Variants in FBXO32 observed in about 807,000 individuals in gnomAD.
The protein encoded by FBXO32 is F-box protein 32, also known as F-box only protein 32.
Under a neutral mutation model 48.3 loss-of-function variants are expected in FBXO32, and 15 were observed. That is an observed-to-expected ratio of 0.31 (90% CI 0.21 to 0.48). The LOEUF (loss-of-function observed/expected upper bound fraction) is 0.48, where lower values mean the gene tolerates loss of function less well. FBXO32 is among the 20% of genes least tolerant of loss of function. The pLI is 0.99. For missense variants in FBXO32, 309 were observed against 432.7 expected (o/e 0.71, Z 2.54); for synonymous variants, 154 against 165.9 (o/e 0.93, Z 0.55).
At chr8:123,520,904 G>C (rs1182420837) in intron 4 of FBXO32, among the ~76,000 whole-genome samples, 1 of 152,150 alleles carries the variant, frequency 6.6e-6, no homozygotes, top group African/African-American at 2.4e-5. Flanking sequence ...CGGCTACACA[G>C]GTTATTCGTC....
rs1816525398 is a variant in FBXO32 at position 123,502,853 on chromosome 8, CATGCAGGTT to C, written c.*511_*519del. 1 of 152,972 alleles carries C rather than the reference CATGCAGGTT, an allele frequency of 6.5e-6. No individual in the cohort carries two copies. Among genetic ancestry groups the C allele is most frequent in the Non-Finnish European group, 1.5e-5 (1 of 68,638 alleles). The allele number at this position is 152,972 out of a possible 1,614,324, so 9.5% of individuals were successfully genotyped here. Reference sequence around the variant, plus strand: ...TCTCTGTAGGGTAAGGCTCTGTGCCCATGCAGGTTTAGGATGGGTGGCGCTTCCTTCGCC... The same window carrying C: ...TCTCTGTAGGGTAAGGCTCTGTGCCCTAGGATGGGTGGCGCTTCCTTCGCC... On this transcript the variant is annotated 3_prime_UTR_variant, in exon 9 of 9. Transcript: ENST00000517956.
intron 6 of FBXO32, among the ~76,000 whole-genome samples, chr8:123,510,830 A>G (rs946290164): frequency 1.3e-5 from 2 of 152,230 alleles, no homozygotes; most frequent in Non-Finnish European, 2.9e-5. Flanking sequence ...TGTGGAGTTT[A>G]TAAGCCCATG....
chr8:123,534,864 A>G (rs1179681431), intron 1 of FBXO32, 50 bp from the exon 2 acceptor site: 2 of 1,173,114 alleles, frequency 1.7e-6, no homozygotes, highest in Admixed American at 3.7e-5. Context: ...CTATACATGA[A>G]CCTGAGCTGT....
intron 1 of FBXO32, among the ~76,000 whole-genome samples, chr8:123,538,713 A>G (rs1817356272): frequency 6.6e-6 from 1 of 152,174 alleles, no homozygotes; most frequent in South Asian, 2.1e-4. Flanking sequence ...CTAAACGCTG[A>G]CTCAAAGGAC....
In FBXO32 at chr8:123,540,875, G is replaced by A. The variant is rs527916239; in HGVS notation, c.116+24C>T. ...GCCCGGGTCAGTTTCGCGGGGGCTG[G>A]AAGTTGGTAGCGGGTCCCCTCACCT... On this transcript the variant is annotated intron_variant, in intron 1 of 8. Coordinates refer to ENST00000517956, the MANE Select transcript of FBXO32 (RefSeq NM_058229.4). This position sits in a 1 kb window ranked among gnomAD's most constrained non-coding sequence, Gnocchi z 6.4. The A allele has an allele frequency of 9.4e-5, 150 of 1,594,816 alleles. No individual in the cohort carries two copies. Among genetic ancestry groups the A allele is most frequent in the South Asian group, 7.2e-4 (65 of 90,408 alleles).
At chr8:123,533,124 A>G (rs1817242695) in intron 3 of FBXO32, 67 bp downstream of exon 3, 2 of 1,220,718 alleles carry the variant, frequency 1.6e-6, no homozygotes, top group African/African-American at 3.0e-5. Context: ...TCCCTACCAT[A>G]TCCCTCCCTG....
chr8:123,529,292 T>G (rs912723986), intron 4 of FBXO32, among the ~76,000 whole-genome samples: 1 of 152,236 alleles, frequency 6.6e-6, no homozygotes, highest in East Asian at 1.9e-4. Flanking sequence ...CTTAAGCAAT[T>G]GCCAGATTCA....
intron 6 of FBXO32, among the ~76,000 whole-genome samples, chr8:123,507,622 G>A (rs578235863): frequency 9.2e-5 from 14 of 152,220 alleles, no homozygotes; most frequent in African/African-American, 3.4e-4. Context: ...AATTAATGGC[G>A]AGCTTCTCCA....
chr8:123,499,478 A>G lies in FBXO32; in HGVS notation c.*3895T>C, dbSNP rs1816433854. On this transcript the variant is annotated 3_prime_UTR_variant, in exon 9 of 9. Transcript: ENST00000517956. ...AGAGTTGGAAACAGATTAAAAAAAA[A>G]AAAAAGATGTCAACATAGAAAATGA... 6.6e-6 allele frequency: 1 copy of G among 152,132 alleles called. No individual in the cohort carries two copies. Among genetic ancestry groups the G allele is most frequent in the Non-Finnish European group, 1.5e-5 (1 of 68,034 alleles). 9.4% of individuals were successfully genotyped at this position (152,132 alleles called of 1,614,324 possible).
chr8:123,516,866 C>T (rs150162860), intron 4 of FBXO32, among the ~76,000 whole-genome samples: 55 of 152,026 alleles, frequency 3.6e-4, no homozygotes, highest in African/African-American at 1.3e-3. Context: ...CTGAAAGAGG[C>T]GGGAAATCAA....
rs549116355 is a variant in FBXO32 at position 123,507,067 on chromosome 8, C to T, written c.652-493G>A. Among the ~76,000 whole-genome samples, 26 of 152,268 alleles carry T rather than the reference C, an allele frequency of 1.7e-4. No individual in the cohort carries two copies. The South Asian group carries it at 2.1e-3, about 12-fold the overall frequency. On this transcript the variant is annotated intron_variant, in intron 6 of 8. Coordinates refer to ENST00000517956, the MANE Select transcript of FBXO32 (RefSeq NM_058229.4). Reference sequence around the variant, plus strand: ...GCCTTCGCCTCCCCAGTCTTCTCTGCCCGGCCACGTGGTCATCCTGCTCAG... The same window carrying T: ...GCCTTCGCCTCCCCAGTCTTCTCTGTCCGGCCACGTGGTCATCCTGCTCAG...
rs1817406891 is a variant in FBXO32 at position 123,541,181 on chromosome 8, C to G, written c.-167G>C. On this transcript the variant is annotated 5_prime_UTR_variant, in exon 1 of 9. Coordinates refer to ENST00000517956, the MANE Select transcript of FBXO32 (RefSeq NM_058229.4). ...GGGGTGGCGGGCGCGGAGAGGATCTCAAGCGTTGCAGGCTCCGGGAGTGCT... is the reference window on the plus strand; with the variant it reads ...GGGGTGGCGGGCGCGGAGAGGATCTGAAGCGTTGCAGGCTCCGGGAGTGCT... The G allele has an allele frequency of 5.2e-6, 2 of 386,188 alleles. No homozygotes were observed. Among genetic ancestry groups the G allele is most frequent in the Non-Finnish European group, 4.5e-6 (1 of 219,982 alleles). The allele number at this position is 386,188 out of a possible 1,614,324, so 23.9% of individuals were successfully genotyped here.
intron 4 of FBXO32, among the ~76,000 whole-genome samples, chr8:123,514,695 G>T (rs1008703062): frequency 1.3e-5 from 2 of 152,172 alleles, no homozygotes; most frequent in African/African-American, 2.4e-5. Flanking sequence ...ACCTCCCGGG[G>T]GAATTCTTCT....
chr8:123,507,916 G>GACATA (rs1816661206), intron 6 of FBXO32, among the ~76,000 whole-genome samples: 1 of 152,142 alleles, frequency 6.6e-6, no homozygotes, highest in Admixed American at 6.5e-5. Flanking sequence ...GTCATGGAGG[G>GACATA]AAGCACAAAG....
At chr8:123,509,080 A>AT (rs1816686543) in intron 6 of FBXO32, among the ~76,000 whole-genome samples, 2 of 152,038 alleles carry the variant, frequency 1.3e-5, no homozygotes, top group South Asian at 4.2e-4. Context: ...ACTGTATTTG[A>AT]TTTTTTCCCC....
In FBXO32 at chr8:123,504,643, G is replaced by T. The variant is rs143618195; in HGVS notation, c.939C>A (p.Thr313=). 634 of 1,613,914 alleles carry T rather than the reference G, an allele frequency of 3.9e-4. 2 individuals are homozygous for T. The African/African-American group carries it at 7.8e-3, about 20-fold the overall frequency. Residue 313 remains threonine (T), a synonymous_variant, in exon 8 of 9, where the codon ACC becomes ACA. Transcript: ENST00000517956. ...TGTGACAGTGTTTGCAGAGCTGAAG[G>T]GTATCTCCATACTGCTCTTTCCTTG... The part of the protein sequence containing the change: ...CYPRKEQYGD[T]LQLCKHCHIL...
rs377273021 is a variant in FBXO32, at chr8:123,540,891, C to T, written c.116+8G>A. On this transcript the variant is annotated splice_region_variant and intron_variant, in intron 1 of 8. Transcript: ENST00000517956. This position sits in a 1 kb window ranked among gnomAD's most constrained non-coding sequence, Gnocchi z 6.4. ...CGGGGGCTGGAAGTTGGTAGCGGGTCCCCTCACCTGCTGAGGTCGCTCACG... is the reference window on the plus strand; with the variant it reads ...CGGGGGCTGGAAGTTGGTAGCGGGTTCCCTCACCTGCTGAGGTCGCTCACG... 6.2e-6 allele frequency: 10 copies of T among 1,609,620 alleles called. No homozygotes were observed. In the African/African-American group the frequency reaches 9.4e-5, roughly 15 times the overall value.
rs778207483 is a variant in FBXO32 at position 123,506,545 on chromosome 8, G to T, written c.681C>A (p.Asp227Glu). Reference sequence around the variant, plus strand: ...TGTTCAGTTGTAGGCACAAAGGCAGGTCAGTGAAGGTGAGGCCTTTGAAGG... The same window carrying T: ...TGTTCAGTTGTAGGCACAAAGGCAGTTCAGTGAAGGTGAGGCCTTTGAAGG... ...RPAFKGLTFT[D>E]LPLCLQLNIM... The change falls in exon 7 of 9, where the codon GAC (aspartate) becomes GAA (glutamate). Residue 227 changes from aspartate to glutamate, a missense_variant. Coordinates refer to ENST00000517956, the MANE Select transcript of FBXO32 (RefSeq NM_058229.4). The surrounding 1 kb of genome is among the most constrained non-coding windows in gnomAD (Gnocchi z 4.0). 6.2e-7 allele frequency: 1 copy of T among 1,605,074 alleles called. No individual in the cohort carries two copies. The highest frequency in any genetic ancestry group is 2.2e-5 in the East Asian group (1 of 44,614).
Position 123,506,358 on chromosome 8 carries a change from A to G in FBXO32, c.834+34T>C. 4.4e-6 allele frequency: 7 copies of G among 1,608,020 alleles called. No individual in the cohort carries two copies. Among genetic ancestry groups the G allele is most frequent in the South Asian group, 1.1e-5 (1 of 90,140 alleles). ...AGTTTGGGGTGAGGGCCAGAGAAGGAGGGTGGGAGGAAAGCCCACTGGGCC... is the reference window on the plus strand; with the variant it reads ...AGTTTGGGGTGAGGGCCAGAGAAGGGGGGTGGGAGGAAAGCCCACTGGGCC... On this transcript the variant is annotated intron_variant, in intron 7 of 8. Coordinates refer to ENST00000517956, the MANE Select transcript of FBXO32 (RefSeq NM_058229.4). The surrounding 1 kb of genome is among the most constrained non-coding windows in gnomAD (Gnocchi z 4.0).
Sources: allele counts gnomAD v4.1 joint callset (sites outside exome capture counted in the v4.1 genomes callset), GRCh38; gene constraint gnomAD v4.1.1; non-coding constraint Gnocchi (gnomAD v3.1); transcripts MANE v1.5; gene names NCBI Gene and HGNC (gene_info 2026-07-23, HGNC 2026-07-21).